The following TMEM232 variants were observed in gnomAD, a reference collection of about 807,000 sequenced individuals.
TMEM232 encodes transmembrane protein 232.
TMEM232 carries 80 observed loss-of-function variants against 78.8 expected under a neutral mutation model. The observed-to-expected ratio is 1.01, with a 90% CI of 0.85 to 1.22. The LOEUF is 1.22. TMEM232 is among the 50% of genes most tolerant of loss of function. The pLI, the probability that TMEM232 is intolerant of heterozygous loss-of-function variation, is 0.00. For missense variants in TMEM232, 881 were observed against 742.2 expected (o/e 1.19, Z -2.17); for synonymous variants, 297 against 254.3 (o/e 1.17, Z -1.60).
At position 110,495,759 on chromosome 5, in the gene TMEM232, C is replaced by T. The variant is rs77691386; in HGVS notation, c.1703+32829G>A. On this transcript the variant is annotated intron_variant, in intron 12 of 13. Coordinates refer to ENST00000455884, the MANE Select transcript of TMEM232 (RefSeq NM_001039763.4). ...AAATAAACAAAATGAATGTCATTAA[C>T]TTAATGTCACATTTGTAAACTTTAT... Among the ~76,000 whole-genome samples, 1,188 of 151,450 alleles carry T rather than the reference C, an allele frequency of 7.8e-3. 30 individuals carry two copies. Among genetic ancestry groups the T allele is most frequent in the East Asian group, 0.055 (286 of 5,172 alleles).
In TMEM232 at chr5:110,646,711, G is replaced by A. The variant is rs1787531046; in HGVS notation, c.126-4340C>T. On this transcript the variant is annotated intron_variant, in intron 2 of 13. Transcript: ENST00000455884. ...GGGATTGCATCAAACTAAAAATCTT[G>A]TGCACAGTATAAAAACAATCAACAG... is the stretch of plus-strand genomic sequence containing the variant. 7.2e-5 allele frequency among the ~76,000 whole-genome samples: 11 copies of A among 151,904 alleles called. No individual in the cohort carries two copies. In the South Asian group the frequency reaches 2.3e-3, roughly 31 times the overall value.
chr5:110,667,094 C>T, intron 2 of TMEM232, 134 bp downstream of exon 2: 1 of 663,442 alleles, frequency 1.5e-6, no homozygotes, highest in Non-Finnish European at 2.4e-6. Context: ...ATAAACAAGG[C>T]TATTAAACAA....
chr5:110,738,910 C>T, upstream of TMEM232: 1 of 1,323,918 alleles, frequency 7.6e-7, no homozygotes. Flanking sequence ...GTTACCGCCG[C>T]GTCTCCCTAG....
At chr5:110,553,457 A>G (rs1774702390) in intron 11 of TMEM232, among the ~76,000 whole-genome samples, 1 of 151,804 alleles carries the variant, frequency 6.6e-6, no homozygotes, top group Non-Finnish European at 1.5e-5. Context: ...GTTGAGCTGC[A>G]TTCCTTTTCA....
At chr5:110,648,357 G>A in intron 2 of TMEM232, among the ~76,000 whole-genome samples, 1 of 152,010 alleles carries the variant, frequency 6.6e-6, no homozygotes. Context: ...TTTCTATCAA[G>A]ATTCAAGACA....
chr5:110,643,229 T>A (rs1786999121), intron 2 of TMEM232, among the ~76,000 whole-genome samples: 2 of 151,746 alleles, frequency 1.3e-5, no homozygotes, highest in South Asian at 4.2e-4. Context: ...GGATGTGGGG[T>A]GAAGATAGAG....
At chr5:110,663,117 T>C (rs1419089779) in intron 2 of TMEM232, among the ~76,000 whole-genome samples, 10 of 152,002 alleles carry the variant, frequency 6.6e-5, no homozygotes, top group South Asian at 6.2e-4. Flanking sequence ...TAACCATAAA[T>C]TGAAAATAAT....
intron 11 of TMEM232, among the ~76,000 whole-genome samples, chr5:110,535,696 G>A (rs984799931): frequency 6.6e-6 from 1 of 152,086 alleles, no homozygotes; most frequent in Non-Finnish European, 1.5e-5. Flanking sequence ...GAATTACTAA[G>A]GGAGTTATGA....
chr5:110,523,683 C>A (rs192988051), intron 12 of TMEM232, among the ~76,000 whole-genome samples: 2 of 151,856 alleles, frequency 1.3e-5, no homozygotes, highest in Admixed American at 6.6e-5. Context: ...CCTGGAATGG[C>A]GAATCATGCT....
At position 110,419,643 on chromosome 5, in the gene TMEM232, G is replaced by A. The variant is rs184704716; in HGVS notation, c.*937C>T. On this transcript the variant is annotated 3_prime_UTR_variant, in exon 14 of 14. Transcript: ENST00000455884. Reference sequence around the variant, plus strand: ...TATATGGGATAGGTATTCCTTAGCCGGCTTCACTAATTTATGTTACCTTTC... The same window carrying A: ...TATATGGGATAGGTATTCCTTAGCCAGCTTCACTAATTTATGTTACCTTTC... Among the ~76,000 whole-genome samples, 8 of 152,076 alleles carry A rather than the reference G, an allele frequency of 5.3e-5. No individual in the cohort carries two copies. The East Asian group carries it at 7.7e-4, about 15-fold the overall frequency.
At chr5:110,613,283 T>G (rs1026091816) in intron 8 of TMEM232, among the ~76,000 whole-genome samples, 2 of 152,134 alleles carry the variant, frequency 1.3e-5, no homozygotes, top group African/African-American at 2.4e-5. Flanking sequence ...AAGGGGTTAC[T>G]AGAAGTCATG....
At chr5:110,430,870 A>G (rs1431501764) in intron 12 of TMEM232, among the ~76,000 whole-genome samples, 1 of 151,822 alleles carries the variant, frequency 6.6e-6, no homozygotes, top group Admixed American at 6.6e-5. Context: ...CATTCATGAT[A>G]CATTAAGCAA....
intron 7 of TMEM232, among the ~76,000 whole-genome samples, chr5:110,622,599 C>T (rs921620832): frequency 1.3e-5 from 2 of 152,036 alleles, no homozygotes; most frequent in African/African-American, 4.8e-5. Flanking sequence ...CATTGTTGGA[C>T]ATTTGGGTTG....
At chr5:110,663,783 T>C (rs1320521184) in intron 2 of TMEM232, among the ~76,000 whole-genome samples, 1 of 141,584 alleles carries the variant, frequency 7.1e-6, no homozygotes, top group Non-Finnish European at 1.6e-5. Context: ...GTATATACAA[T>C]ATTCAGATAC....
chr5:110,635,777 T>C (rs1020649474), intron 5 of TMEM232, among the ~76,000 whole-genome samples: 1 of 151,900 alleles, frequency 6.6e-6, no homozygotes, highest in Non-Finnish European at 1.5e-5. Context: ...ATGGCGAGGA[T>C]ACAGAGAAAA....
intron 11 of TMEM232, among the ~76,000 whole-genome samples, chr5:110,563,033 T>G (rs1159702862): frequency 3.3e-5 from 5 of 152,026 alleles, no homozygotes; most frequent in Non-Finnish European, 5.9e-5. Flanking sequence ...ACATATACTA[T>G]GCCTAAATCA....
At chr5:110,531,325 C>A (rs1179695019) in intron 11 of TMEM232, among the ~76,000 whole-genome samples, 3 of 152,204 alleles carry the variant, frequency 2.0e-5, no homozygotes, top group African/African-American at 7.2e-5. Context: ...CACACGGACA[C>A]ACATGAAATT....
chr5:110,656,635 C>T (rs138982553), intron 2 of TMEM232, among the ~76,000 whole-genome samples: 1,838 of 152,084 alleles, frequency 0.012, 38 homozygotes, highest in African/African-American at 0.042. Flanking sequence ...GTCAGGAGAT[C>T]GAGACCATCC....
intron 2 of TMEM232, among the ~76,000 whole-genome samples, chr5:110,645,963 A>G (rs892955090): frequency 1.3e-5 from 2 of 151,742 alleles, no homozygotes; most frequent in Non-Finnish European, 3.0e-5. Context: ...CCTATTTATA[A>G]TAGCAACAAA....
Sources: allele counts gnomAD v4.1 joint callset (sites outside exome capture counted in the v4.1 genomes callset), GRCh38; gene constraint gnomAD v4.1.1; transcripts MANE v1.5; gene names NCBI Gene and HGNC (gene_info 2026-07-23, HGNC 2026-07-21).